The following AP1AR variants were observed in gnomAD, a reference collection of about 807,000 sequenced individuals.
The protein encoded by AP1AR is adaptor related protein complex 1 associated regulatory protein.
A neutral mutation model predicts 46.3 loss-of-function variants in AP1AR; 29 were observed. The observed-to-expected ratio is 0.63, with a 90% CI of 0.47 to 0.85. The LOEUF is 0.85. Among genes scored for constraint, AP1AR ranks in the 40% least tolerant of loss-of-function variants. AP1AR has a pLI of 0.00. For missense variants in AP1AR, 357 were observed against 356.3 expected (o/e 1.00, Z -0.02); for synonymous variants, 122 against 122.9 (o/e 0.99, Z 0.05).
At chr4:112,238,532 T>TG (rs1725350048) in intron 1 of AP1AR, among the ~76,000 whole-genome samples, 1 of 152,142 alleles carries the variant, frequency 6.6e-6, no homozygotes, top group South Asian at 2.1e-4. Flanking sequence ...TTTTCAGTTT[T>TG]GAAAAAATAT....
At chr4:112,246,787 G>A (rs1725743518) in intron 1 of AP1AR, among the ~76,000 whole-genome samples, 1 of 152,164 alleles carries the variant, frequency 6.6e-6, no homozygotes, top group South Asian at 2.1e-4. Context: ...CCATCACCTT[G>A]GAACACTACC....
intron 9 of AP1AR, among the ~76,000 whole-genome samples, chr4:112,267,237 G>C (rs1173903190): frequency 6.6e-6 from 1 of 151,634 alleles, no homozygotes. Flanking sequence ...TGAGCTTTAA[G>C]GTCAAAAAAG....
At chr4:112,240,729 A>G (rs1314611228) in intron 1 of AP1AR, among the ~76,000 whole-genome samples, 2 of 152,128 alleles carry the variant, frequency 1.3e-5, no homozygotes, top group Non-Finnish European at 2.9e-5. Context: ...TCATCTGAAC[A>G]TATCCCCTCT....
intron 1 of AP1AR, among the ~76,000 whole-genome samples, chr4:112,238,048 A>G (rs1037156296): frequency 2.6e-5 from 4 of 152,240 alleles, no homozygotes; most frequent in African/African-American, 9.6e-5. Context: ...ATTTCAACAA[A>G]TGAGTGTGGC....
chr4:112,254,575 G>T (rs1263774579), intron 2 of AP1AR, among the ~76,000 whole-genome samples, 172 bp from the exon 3 acceptor site: 1 of 152,154 alleles, frequency 6.6e-6, no homozygotes, highest in Non-Finnish European at 1.5e-5. Flanking sequence ...TGGCCATTTT[G>T]TAGGACTGTT....
chr4:112,241,825 C>T (rs998186521), intron 1 of AP1AR, among the ~76,000 whole-genome samples: 36 of 151,988 alleles, frequency 2.4e-4, no homozygotes, highest in African/African-American at 8.5e-4. Context: ...AATTGGAAAA[C>T]AATGTTTCCA....
At position 112,266,618 on chromosome 4, in the gene AP1AR, C is replaced by T; in HGVS notation, c.545C>T (p.Pro182Leu). The change falls in exon 9 of 10, where the codon CCA becomes CTA. Residue 182 changes from proline to leucine, a missense_variant. By Grantham distance (98) the Pro-to-Leu change is moderately conservative. Around this residue, in one of 2 missense-constraint regions of AP1AR, gnomAD observed 269 missense variants for 223.6 expected, o/e 1.20. Coordinates refer to ENST00000274000, the MANE Select transcript of AP1AR (RefSeq NM_018569.6). ...RLSSDATVLT[P>L]NTESSCDLMT... is the part of the protein sequence containing the mutation. ...TCATCAGATGCTACAGTTTTGACAC[C>T]AAATACAGAAAGCAGTTGTGATTTA... 1.9e-6 allele frequency: 3 copies of T among 1,610,304 alleles called. No homozygotes were observed. The highest frequency in any genetic ancestry group is 2.5e-6 in the Non-Finnish European group (3 of 1,177,554).
In AP1AR at chr4:112,254,740, CT is replaced by C; in HGVS notation, c.133-4del. 1 of 1,501,536 alleles carries C rather than the reference CT, an allele frequency of 6.7e-7. No homozygotes were observed. Among genetic ancestry groups the C allele is most frequent in the Non-Finnish European group, 9.0e-7 (1 of 1,113,042 alleles). 93.0% of individuals were successfully genotyped at this position (1,501,536 alleles called of 1,614,324 possible). A position where few individuals can be genotyped will look rare whatever the true frequency, so the allele number is the denominator to read the frequency against. On this transcript the variant is annotated splice_region_variant and splice_polypyrimidine_tract_variant and intron_variant, in intron 2 of 9. Transcript: ENST00000274000. ...TCCTCTTAACGCTTACTTTTTTGTCCTTTCAGTTTGAGAATCTAGTAGAAAG... is the reference window on the plus strand; with the variant it reads ...TCCTCTTAACGCTTACTTTTTTGTCCTTCAGTTTGAGAATCTAGTAGAAAG...
chr4:112,267,686 A>G (rs997114883), intron 9 of AP1AR, among the ~76,000 whole-genome samples: 14 of 152,086 alleles, frequency 9.2e-5, no homozygotes, highest in Non-Finnish European at 1.9e-4. Flanking sequence ...AAATCAGTTC[A>G]TATCTGTGGC....
At chr4:112,263,191 T>C in intron 6 of AP1AR, 105 bp downstream of exon 6, 2 of 818,740 alleles carry the variant, frequency 2.4e-6, no homozygotes. Flanking sequence ...GGACTTCTTG[T>C]TTAACAACGA....
Position 112,253,382 on chromosome 4 carries a change from A to T in AP1AR, c.132+126A>T. 4.3e-6 allele frequency: 3 copies of T among 694,450 alleles called. No individual in the cohort carries two copies. The South Asian group carries it at 5.2e-5, about 12-fold the overall frequency. The allele number at this position is 694,450 out of a possible 1,614,324, so 43.0% of individuals were successfully genotyped here. ...GACTGTTTATATTTCAATATTATTCATGTTAGTGAAGATTGAAAGAGTTGG... is the reference window on the plus strand; with the variant it reads ...GACTGTTTATATTTCAATATTATTCTTGTTAGTGAAGATTGAAAGAGTTGG... On this transcript the variant is annotated intron_variant, in intron 2 of 9. Coordinates refer to ENST00000274000, the MANE Select transcript of AP1AR (RefSeq NM_018569.6).
intron 1 of AP1AR, among the ~76,000 whole-genome samples, chr4:112,246,513 A>C (rs1560605049): frequency 6.6e-6 from 1 of 152,226 alleles, no homozygotes; most frequent in Admixed American, 6.5e-5. Flanking sequence ...CAAAACAAAC[A>C]AAAAATACAT....
rs1350783096 is a variant in AP1AR, at chr4:112,271,145, C to T, written c.*2736C>T. 3.3e-5 allele frequency among the ~76,000 whole-genome samples: 5 copies of T among 152,156 alleles called. No homozygotes were observed. Among genetic ancestry groups the T allele is most frequent in the Non-Finnish European group, 5.9e-5 (4 of 68,034 alleles). On this transcript the variant is annotated 3_prime_UTR_variant, in exon 10 of 10. Transcript: ENST00000274000. ...TACCTTGCTCACTGCACATAGTCCA[C>T]GTAGGCAAAACTCAACCACAGTCTG...
intron 1 of AP1AR, among the ~76,000 whole-genome samples, chr4:112,252,562 A>G (rs1463820299): frequency 1.3e-5 from 2 of 152,236 alleles, no homozygotes; most frequent in Non-Finnish European, 2.9e-5. Flanking sequence ...GAAGATTCCT[A>G]TTTGACTACA....
chr4:112,263,969 A>G (rs1726563549), intron 6 of AP1AR, among the ~76,000 whole-genome samples: 1 of 152,178 alleles, frequency 6.6e-6, no homozygotes, highest in Admixed American at 6.5e-5. Context: ...GAAGTAGTAT[A>G]AAGATCATGT....
Position 112,268,278 on chromosome 4 carries a change from T to C in AP1AR, c.778T>C (p.Trp260Arg). 1 of 1,612,680 alleles carries C rather than the reference T, an allele frequency of 6.2e-7. No individual in the cohort carries two copies. Among genetic ancestry groups the C allele is most frequent in the South Asian group, 1.1e-5 (1 of 91,014 alleles). The change falls in exon 10 of 10, where the codon TGG (tryptophan) becomes CGG (arginine). Residue 260 changes from tryptophan to arginine, a missense_variant. Transcript: ENST00000274000. Reference protein sequence around the residue: ...SASDDSNGLEWENDFVSAEMD... With the variant: ...SASDDSNGLERENDFVSAEMD... ...CTCTGATGATTCCAATGGGCTGGAG[T>C]GGGAAAATGATTTTGTTAGTGCCGA...
chr4:112,246,271 C>G (rs961140494), intron 1 of AP1AR, among the ~76,000 whole-genome samples: 2 of 152,022 alleles, frequency 1.3e-5, no homozygotes, highest in South Asian at 2.1e-4. Flanking sequence ...TTTGGATGAC[C>G]GAGGCAGGCA....
intron 1 of AP1AR, among the ~76,000 whole-genome samples, chr4:112,248,643 C>A (rs568724036): frequency 1.3e-5 from 2 of 152,244 alleles, no homozygotes; most frequent in South Asian, 4.1e-4. Context: ...TGAAAAGGTT[C>A]ATGATAAAAG....
At chr4:112,241,028 A>AG (rs1725474323) in intron 1 of AP1AR, among the ~76,000 whole-genome samples, 6 of 152,222 alleles carry the variant, frequency 3.9e-5, no homozygotes, top group Admixed American at 3.3e-4. Flanking sequence ...AAAGACCTCT[A>AG]AGGTCCCTTC....
Sources: gnomAD v4.1 joint callset for allele counts (sites outside exome capture counted in the v4.1 genomes callset) on GRCh38, gnomAD v4.1.1 for gene constraint, gnomAD v4.1.1 regional missense constraint, MANE v1.5 for transcripts, NCBI Gene and HGNC (gene_info 2026-07-23, HGNC 2026-07-21) for gene names.